The following SNRPG variants were observed in gnomAD, a reference collection of about 807,000 sequenced individuals.
SNRPG encodes small nuclear ribonucleoprotein polypeptide G.
In SNRPG, 3 loss-of-function variants were observed where a neutral mutation model predicts 13.9. The observed-to-expected ratio is 0.22, with a 90% CI of 0.10 to 0.56. The LOEUF is 0.56. Ranked by LOEUF, SNRPG falls within the 20% of genes least tolerant of loss-of-function variation. The pLI is 0.93. For missense variants in SNRPG, 34 were observed against 96.1 expected, an observed-to-expected ratio of 0.35 and a Z score of 2.70; for synonymous variants, 29 against 29.3, an observed-to-expected ratio of 0.99 and a Z score of 0.03.
At chr2:70,281,752 A>G in intron 3 of SNRPG, 68 bp from the exon 4 acceptor site, 1 of 852,828 alleles carries the variant, frequency 1.2e-6, no homozygotes. Context: ...ATGATTTAAG[A>G]ATTTTCACCA....
chr2:70,283,383 T>A (rs1696862632), intron 3 of SNRPG, among the ~76,000 whole-genome samples: 1 of 151,918 alleles, frequency 6.6e-6, no homozygotes, highest in Non-Finnish European at 1.5e-5. Context: ...ATGTAATAAT[T>A]TGAGGTGTTT....
At chr2:70,285,993 T>G (rs1256826629) in intron 3 of SNRPG, among the ~76,000 whole-genome samples, 1 of 152,202 alleles carries the variant, frequency 6.6e-6, no homozygotes, top group Admixed American at 6.6e-5. Flanking sequence ...TCACAAAGAT[T>G]GGAGTGCAGT....
chr2:70,287,381 A>AGTCAACAACTTTGAGT, intron 3 of SNRPG: 1 of 695,562 alleles, frequency 1.4e-6, no homozygotes, highest in Non-Finnish European at 2.6e-6. Flanking sequence ...CCTGTGTTAG[A>AGTCAACAACTTTGAGT]CAAAGAGGGA....
At chr2:70,283,108 A>AAAAAAAAAC (rs1696845409) in intron 3 of SNRPG, among the ~76,000 whole-genome samples, 1 of 146,982 alleles carries the variant, frequency 6.8e-6, no homozygotes, top group African/African-American at 2.5e-5. Context: ...AAAAAAAAAA[A>AAAAAAAAAC]AAAAAAAAAA....
intron 1 of SNRPG, among the ~76,000 whole-genome samples, chr2:70,291,882 T>C (rs1697106771): frequency 6.6e-6 from 1 of 151,740 alleles, no homozygotes; most frequent in African/African-American, 2.4e-5. Flanking sequence ...CAGAGGATAC[T>C]TACATCACCA....
intron 3 of SNRPG, among the ~76,000 whole-genome samples, chr2:70,282,891 C>G (rs1345962148): frequency 3.3e-5 from 5 of 151,940 alleles, no homozygotes; most frequent in African/African-American, 9.7e-5. Context: ...GTTGGGAGTT[C>G]GAGACCATCC....
At chr2:70,286,335 CT>C (rs1696940878) in intron 3 of SNRPG, among the ~76,000 whole-genome samples, 1 of 152,184 alleles carries the variant, frequency 6.6e-6, no homozygotes, top group Non-Finnish European at 1.5e-5. Flanking sequence ...TGTTAAACAA[CT>C]TCTAACAAAA....
At chr2:70,285,754 C>G (rs538761313) in intron 3 of SNRPG, among the ~76,000 whole-genome samples, 26 of 152,286 alleles carry the variant, frequency 1.7e-4, no homozygotes, top group African/African-American at 5.8e-4. Context: ...GAATTACATA[C>G]TGCTCCCTTT....
chr2:70,290,290 T>A (rs1212127544), intron 1 of SNRPG, among the ~76,000 whole-genome samples: 1 of 152,192 alleles, frequency 6.6e-6, no homozygotes, highest in Non-Finnish European at 1.5e-5. Context: ...TATTTTATAT[T>A]TGAAATAAGT....
At chr2:70,293,573 A>G (rs905125530) in intron 1 of SNRPG, 45 bp downstream of exon 1, 3 of 1,540,132 alleles carry the variant, frequency 1.9e-6, no homozygotes, top group Non-Finnish European at 1.8e-6. Context: ...GACTCGCAGG[A>G]CGCAAATAAC....
chr2:70,292,876 T>C (rs1159335244), intron 1 of SNRPG: 4 of 459,514 alleles, frequency 8.7e-6, no homozygotes, highest in African/African-American at 1.9e-5. Context: ...TTAAGTCCAC[T>C]CAAAAAGTAT....
At chr2:70,289,477 G>T in intron 1 of SNRPG, 105 bp from the exon 2 acceptor site, 1 of 610,358 alleles carries the variant, frequency 1.6e-6, no homozygotes, top group Non-Finnish European at 2.9e-6. Flanking sequence ...TATACAATGG[G>T]AATAATGAAA....
chr2:70,291,064 T>C (rs903195707), intron 1 of SNRPG, among the ~76,000 whole-genome samples: 3 of 132,792 alleles, frequency 2.3e-5, no homozygotes, highest in African/African-American at 8.0e-5. Context: ...CACACATATA[T>C]GAAGTAAACT....
intron 3 of SNRPG, chr2:70,287,365 T>C: frequency 1.4e-6 from 1 of 701,292 alleles, no homozygotes. Context: ...TTATTAGGTA[T>C]GTTGTCCTGT....
Position 70,287,931 on chromosome 2 carries a change from G to A in SNRPG, c.180+137C>T, listed in dbSNP as rs941128702. ...ATATTACTACAGCTGAGTAACTGCC[G>A]TATGCAACTAAAAAGGAGATGGAAA... On this transcript the variant is annotated intron_variant, in intron 3 of 3. Coordinates refer to ENST00000272348, the MANE Select transcript of SNRPG (RefSeq NM_003096.4). The A allele has an allele frequency of 1.9e-4, 119 of 628,634 alleles. No individual in the cohort carries two copies. The East Asian group carries it at 2.5e-3, about 13-fold the overall frequency. The allele number at this position is 628,634 out of a possible 1,614,324, so 38.9% of individuals were successfully genotyped here.
chr2:70,283,132 C>CAA (rs2104910010), intron 3 of SNRPG, among the ~76,000 whole-genome samples: 1 of 64,600 alleles, frequency 1.5e-5, no homozygotes, highest in Non-Finnish European at 3.3e-5. Flanking sequence ...AAACAACAAA[C>CAA]CAAAACCAAA....
At chr2:70,293,021 T>TA (rs947079029) in intron 1 of SNRPG, 294 of 611,232 alleles carry the variant, frequency 4.8e-4, no homozygotes, top group South Asian at 6.1e-4. Flanking sequence ...TTAATGTTCT[T>TA]AAAAAAAAAG....
chr2:70,288,522 G>A (rs1257898823), intron 2 of SNRPG, among the ~76,000 whole-genome samples: 1 of 152,188 alleles, frequency 6.6e-6, no homozygotes, highest in Non-Finnish European at 1.5e-5. Flanking sequence ...GCCTCCCAAA[G>A]TGCTGGGGGA....
At chr2:70,293,448 G>T (rs1697157627) in intron 1 of SNRPG, 170 bp downstream of exon 1, 2 of 711,390 alleles carry the variant, frequency 2.8e-6, no homozygotes, top group Admixed American at 2.1e-5. Context: ...CGAGCTCTGC[G>T]CGGGCTTCAC....
Sources: gnomAD v4.1 joint callset for allele counts (sites outside exome capture counted in the v4.1 genomes callset) on GRCh38, gnomAD v4.1.1 for gene constraint, MANE v1.5 for transcripts, NCBI Gene and HGNC (gene_info 2026-07-23, HGNC 2026-07-21) for gene names.